AMPH: variants seen among roughly 807,000 people sequenced by gnomAD.
AMPH encodes amphiphysin, also known as amphiphysin (Stiff-Mann syndrome with breast cancer 128kD autoantigen).
A neutral mutation model predicts 99.1 loss-of-function variants in AMPH; 49 were observed. That is an observed-to-expected ratio of 0.49 (90% confidence interval 0.39 to 0.63). AMPH has a LOEUF of 0.63. AMPH is among the 20% of genes least tolerant of loss of function. The probability of loss-of-function intolerance (pLI) is 0.00; values close to 1 mark genes in which losing one functional copy is unlikely to be tolerated. For missense variants in AMPH, 759 were observed against 863.4 expected (o/e 0.88, Z 1.52); for synonymous variants, 314 against 317.3 (o/e 0.99, Z 0.11).
chr7:38,443,395 TA>T (rs916840827), intron 11 of AMPH, among the ~76,000 whole-genome samples: 11 of 151,908 alleles, frequency 7.2e-5, no homozygotes, highest in Non-Finnish European at 1.0e-4. Flanking sequence ...ACCCTTTTCT[TA>T]AAAAAAACCT....
chr7:38,422,551 T>A, intron 15 of AMPH, 74 bp from the exon 16 acceptor site: 2 of 1,040,318 alleles, frequency 1.9e-6, no homozygotes, highest in East Asian at 2.4e-5. Flanking sequence ...TGTGTCTGCC[T>A]ACGTATCTAT....
intron 1 of AMPH, among the ~76,000 whole-genome samples, chr7:38,582,874 G>A (rs1029242214): frequency 3.3e-5 from 5 of 152,162 alleles, no homozygotes; most frequent in African/African-American, 4.8e-5. Context: ...ATTCAGGGCC[G>A]GATGTCAAAA....
intron 20 of AMPH, among the ~76,000 whole-genome samples, 182 bp from the exon 21 acceptor site, chr7:38,385,107 AAAAAAG>A (rs1048891143): frequency 2.6e-4 from 40 of 152,258 alleles, no homozygotes; most frequent in African/African-American, 7.9e-4. Flanking sequence ...TAGTTAAAAA[AAAAAAG>A]AAAAAGAAAA....
intron 11 of AMPH, among the ~76,000 whole-genome samples, chr7:38,456,115 C>T (rs1787223671): frequency 6.6e-6 from 1 of 152,196 alleles, no homozygotes; most frequent in Admixed American, 6.5e-5. Context: ...AAGGCTGATG[C>T]TACTGCTGCT....
intron 1 of AMPH, among the ~76,000 whole-genome samples, chr7:38,587,382 C>A (rs1792694710): frequency 6.6e-6 from 1 of 152,072 alleles, no homozygotes; most frequent in Non-Finnish European, 1.5e-5. Flanking sequence ...AGAGGTGGTT[C>A]CAGGAGAAAC....
At chr7:38,477,080 T>A in intron 5 of AMPH, 111 bp from the exon 6 acceptor site, 1 of 832,088 alleles carries the variant, frequency 1.2e-6, no homozygotes, top group Non-Finnish European at 2.0e-6. Flanking sequence ...GGATCTTGAC[T>A]GGAGATCAAG....
chr7:38,549,442 G>A (rs913376353), intron 1 of AMPH, among the ~76,000 whole-genome samples: 2 of 152,186 alleles, frequency 1.3e-5, no homozygotes, highest in Admixed American at 6.5e-5. Context: ...TGGGAAAAAG[G>A]AGAATAAAGA....
At chr7:38,546,183 A>G (rs929946740) in intron 1 of AMPH, among the ~76,000 whole-genome samples, 1 of 152,216 alleles carries the variant, frequency 6.6e-6, no homozygotes, top group Admixed American at 6.5e-5. Flanking sequence ...CCTTCTGGCT[A>G]TCTGAGGCTG....
chr7:38,392,344 T>C (rs1323541079), intron 18 of AMPH, among the ~76,000 whole-genome samples: 4 of 147,324 alleles, frequency 2.7e-5, no homozygotes, highest in Admixed American at 2.7e-4. Flanking sequence ...CTGAGAGGGA[T>C]TGCAGGAGGA....
intron 11 of AMPH, among the ~76,000 whole-genome samples, chr7:38,444,358 G>C (rs1334276705): frequency 6.6e-6 from 1 of 152,070 alleles, no homozygotes. Flanking sequence ...CTGACAACAG[G>C]GTCTGAACCA....
At chr7:38,466,480 C>G (rs1787657539) in intron 7 of AMPH, among the ~76,000 whole-genome samples, 1 of 151,478 alleles carries the variant, frequency 6.6e-6, no homozygotes, top group African/African-American at 2.4e-5. Context: ...AAATTCAGTG[C>G]CTTAAGACAG....
chr7:38,480,808 T>C (rs1788257031), intron 5 of AMPH, among the ~76,000 whole-genome samples: 1 of 152,178 alleles, frequency 6.6e-6, no homozygotes, highest in African/African-American at 2.4e-5. Flanking sequence ...CTTGAAGCAG[T>C]GGCCTACGTA....
chr7:38,461,693 A>G (rs1336314659), intron 10 of AMPH, among the ~76,000 whole-genome samples: 1 of 152,216 alleles, frequency 6.6e-6, no homozygotes, highest in African/African-American at 2.4e-5. Flanking sequence ...CCAGGCACAT[A>G]TACTTTAAAG....
chr7:38,455,315 C>T (rs1787189390), intron 11 of AMPH, among the ~76,000 whole-genome samples: 2 of 152,160 alleles, frequency 1.3e-5, no homozygotes, highest in African/African-American at 4.8e-5. Flanking sequence ...AGGTGATCTG[C>T]CCGCCTTGGC....
rs1257054366 is a variant in AMPH, at chr7:38,391,990, C to G, written c.1636G>C (p.Glu546Gln). The stretch of plus-strand genomic sequence containing the variant: ...TCCTCTTCATGGTTGGAGGCAGGCT[C>G]TATGACCACCGAAGGAATGACCTTC... ...QEKVIPSVVI[E>Q]PASNHEEEGE... Residue 546 changes from glutamate to glutamine, a missense_variant, in exon 19 of 21, where the codon GAG becomes CAG. By Grantham distance (29) the Glu-to-Gln change is conservative. Transcript: ENST00000356264. 6 of 1,607,774 alleles carry G rather than the reference C, an allele frequency of 3.7e-6. No homozygotes were observed. The highest frequency in any genetic ancestry group is 5.1e-6 in the Non-Finnish European group (6 of 1,179,982).
Position 38,610,368 on chromosome 7 carries a change from GAAAA to G in AMPH, c.69+20911_69+20914del, listed in dbSNP as rs1249238459. ...GAAAAGAAAAGAAAAGAAAAGAAAAGAAAAGAAAGGAAAGGAAAAGAAAAGAAAA... is the reference window on the plus strand; with the variant it reads ...GAAAAGAAAAGAAAAGAAAAGAAAAGGAAAGGAAAGGAAAAGAAAAGAAAA... On this transcript the variant is annotated intron_variant, in intron 1 of 20. Transcript: ENST00000356264. 4.6e-4 allele frequency among the ~76,000 whole-genome samples: 19 copies of G among 41,688 alleles called. 2 individuals are homozygous for G. Among genetic ancestry groups the G allele is most frequent in the African/African-American group, 8.9e-4 (7 of 7,898 alleles). The allele number at this position is 41,688 out of a possible 152,430, so 27.3% of individuals were successfully genotyped here. A position where few individuals can be genotyped will look rare whatever the true frequency, so the allele number is the denominator to read the frequency against.
At position 38,610,881 on chromosome 7, in the gene AMPH, T is replaced by C. The variant is rs551573317; in HGVS notation, c.69+20402A>G. 2.0e-5 allele frequency among the ~76,000 whole-genome samples: 3 copies of C among 152,008 alleles called. No homozygotes were observed. In the East Asian group the frequency reaches 5.8e-4, roughly 29 times the overall value. On this transcript the variant is annotated intron_variant, in intron 1 of 20. Transcript: ENST00000356264. ...AGGACAGAGCAGCAGAATGAGAGAA[T>C]AGAAAGGAAGAAAAACAGAGAAGTG...
At chr7:38,430,547 C>G (rs1351763526) in intron 13 of AMPH, among the ~76,000 whole-genome samples, 2 of 152,168 alleles carry the variant, frequency 1.3e-5, no homozygotes, top group South Asian at 2.1e-4. Context: ...TTAGACGATA[C>G]CTTCACCCTC....
intron 1 of AMPH, among the ~76,000 whole-genome samples, chr7:38,621,226 G>C (rs1031679908): frequency 1.3e-5 from 2 of 152,138 alleles, no homozygotes; most frequent in Non-Finnish European, 2.9e-5. Flanking sequence ...CTCTAGATTA[G>C]TTCCCTAGTT....
Sources: gnomAD v4.1 joint callset for allele counts (sites outside exome capture counted in the v4.1 genomes callset) on GRCh38, gnomAD v4.1.1 for gene constraint, MANE v1.5 for transcripts, NCBI Gene and HGNC (gene_info 2026-07-23, HGNC 2026-07-21) for gene names.